TMEM132D: variants seen among roughly 807,000 people sequenced by gnomAD.
TMEM132D encodes mature OL transmembrane protein.
Under a neutral mutation model 62.3 loss-of-function variants are expected in TMEM132D, and 21 were observed. That is an observed-to-expected ratio of 0.34 (90% CI 0.24 to 0.49). The LOEUF (loss-of-function observed/expected upper bound fraction) is 0.49. Ranked by LOEUF, TMEM132D falls within the 20% of genes least tolerant of loss-of-function variation. The pLI is 0.99. For missense variants in TMEM132D, 1,346 were observed against 1,402.8 expected (o/e 0.96, Z 0.65); for synonymous variants, 621 against 575.6 (o/e 1.08, Z -1.13).
intron 3 of TMEM132D, among the ~76,000 whole-genome samples, chr12:129,478,370 C>T (rs750073830): frequency 2.6e-5 from 4 of 152,194 alleles, no homozygotes; most frequent in Non-Finnish European, 4.4e-5. Flanking sequence ...TAGGGCATCA[C>T]TGGGTGATAG....
chr12:129,229,658 T>C (rs1018471166), intron 4 of TMEM132D, among the ~76,000 whole-genome samples: 2 of 152,230 alleles, frequency 1.3e-5, no homozygotes, highest in East Asian at 1.9e-4. Flanking sequence ...GGAAAGGACA[T>C]AGAAAATTGA....
chr12:129,831,841 A>AT (rs1181499836), intron 1 of TMEM132D, among the ~76,000 whole-genome samples: 32 of 145,280 alleles, frequency 2.2e-4, no homozygotes, highest in South Asian at 1.3e-3. Context: ...ACGTTGAAGC[A>AT]TTTTTTTTTC....
chr12:129,491,764 A>C (rs1037231667), intron 3 of TMEM132D, among the ~76,000 whole-genome samples: 6 of 152,198 alleles, frequency 3.9e-5, no homozygotes, highest in African/African-American at 1.4e-4. Context: ...CAACATGGCA[A>C]AACCCTGTCT....
At chr12:129,677,657 A>G (rs1019667644) in intron 2 of TMEM132D, among the ~76,000 whole-genome samples, 2 of 152,162 alleles carry the variant, frequency 1.3e-5, no homozygotes, top group African/African-American at 4.8e-5. Flanking sequence ...CATTAACAGA[A>G]ATTCCATATC....
At chr12:129,306,526 C>G (rs2135631598) in intron 4 of TMEM132D, among the ~76,000 whole-genome samples, 1 of 152,250 alleles carries the variant, frequency 6.6e-6, no homozygotes, top group East Asian at 1.9e-4. Context: ...TGGCACAATA[C>G]AGATGTTGAT....
rs1195015654 is a variant in TMEM132D, at chr12:129,484,337, T to C, written c.1115+46722A>G. Among the ~76,000 whole-genome samples the C allele has an allele frequency of 3.9e-5, 6 of 152,274 alleles. No individual in the cohort carries two copies. The South Asian group carries it at 8.3e-4, about 21-fold the overall frequency. On this transcript the variant is annotated intron_variant, in intron 3 of 8. Transcript: ENST00000422113. ...GTTGCATCAACTGTCCCTTAACTCT[T>C]CACCTGGACCAAAAACTTGTCCAAG...
At chr12:129,828,782 A>AGGAG (rs1317969276) in intron 1 of TMEM132D, among the ~76,000 whole-genome samples, 7 of 43,532 alleles carry the variant, frequency 1.6e-4, no homozygotes, top group African/African-American at 5.2e-4. Flanking sequence ...GAGGAAGAAA[A>AGGAG]GGAGGGAGGG....
chr12:129,736,307 A>G (rs1436587198), intron 1 of TMEM132D, among the ~76,000 whole-genome samples: 2 of 152,224 alleles, frequency 1.3e-5, no homozygotes, highest in Non-Finnish European at 2.9e-5. Context: ...TTTCACATAA[A>G]CAGAAGTAAA....
intron 3 of TMEM132D, among the ~76,000 whole-genome samples, chr12:129,458,156 C>T (rs975907182): frequency 1.3e-5 from 2 of 152,100 alleles, no homozygotes; most frequent in African/African-American, 4.8e-5. Context: ...TACATGGTGC[C>T]CACATCTCTG....
intron 1 of TMEM132D, among the ~76,000 whole-genome samples, chr12:129,876,911 A>AGAT (rs1874430536): frequency 6.6e-6 from 1 of 152,212 alleles, no homozygotes; most frequent in South Asian, 2.1e-4. Context: ...CTGGAAGCAA[A>AGAT]GATGGGCTGA....
chr12:129,215,155 T>C (rs1879166295), intron 4 of TMEM132D, among the ~76,000 whole-genome samples: 1 of 152,238 alleles, frequency 6.6e-6, no homozygotes, highest in East Asian at 1.9e-4. Flanking sequence ...TCATGTCCTT[T>C]GCAGGGACAT....
At chr12:129,468,185 T>TG (rs1873974839) in intron 3 of TMEM132D, among the ~76,000 whole-genome samples, 4 of 151,134 alleles carry the variant, frequency 2.6e-5, no homozygotes, top group East Asian at 3.9e-4. Context: ...ACACAAAGCT[T>TG]TGTGTGTGTG....
At chr12:129,174,967 G>T (rs1215829387) in intron 5 of TMEM132D, among the ~76,000 whole-genome samples, 1 of 152,100 alleles carries the variant, frequency 6.6e-6, no homozygotes, top group Non-Finnish European at 1.5e-5. Context: ...GTAAATTCTG[G>T]ATACTAGACC....
At chr12:129,298,592 A>G (rs1306249280) in intron 4 of TMEM132D, among the ~76,000 whole-genome samples, 1 of 152,252 alleles carries the variant, frequency 6.6e-6, no homozygotes, top group Middle Eastern at 3.4e-3. Flanking sequence ...GTACCCATTA[A>G]CCAGCCTCTC....
rs536636223 is a variant in TMEM132D, at chr12:129,490,530, G to A, written c.1115+40529C>T. Among the ~76,000 whole-genome samples, 23 of 133,010 alleles carry A rather than the reference G, an allele frequency of 1.7e-4. 1 individual carries two copies. The highest frequency in any genetic ancestry group is 4.9e-4 in the African/African-American group (17 of 34,358). The allele number at this position is 133,010 out of a possible 152,430, so 87.3% of individuals were successfully genotyped here. ...TGCAAGCTCCGCCTCCCGGGTTCAC[G>A]CCATTCTCCTGCCTCAGCCTCCCGA... On this transcript the variant is annotated intron_variant, in intron 3 of 8. Coordinates refer to ENST00000422113, the MANE Select transcript of TMEM132D (RefSeq NM_133448.3).
chr12:129,675,989 C>T (rs1880619591), intron 2 of TMEM132D, among the ~76,000 whole-genome samples: 1 of 152,198 alleles, frequency 6.6e-6, no homozygotes, highest in Non-Finnish European at 1.5e-5. Flanking sequence ...TTTGTCATGG[C>T]CTTTGGCTTT....
At chr12:129,231,292 A>G (rs1004311823) in intron 4 of TMEM132D, among the ~76,000 whole-genome samples, 1 of 152,222 alleles carries the variant, frequency 6.6e-6, no homozygotes, top group African/African-American at 2.4e-5. Context: ...ATTAACTTCC[A>G]TTTGTAACAG....
At chr12:129,292,991 C>T (rs1881486095) in intron 4 of TMEM132D, among the ~76,000 whole-genome samples, 1 of 152,078 alleles carries the variant, frequency 6.6e-6, no homozygotes, top group Non-Finnish European at 1.5e-5. Context: ...GGATCTGTTT[C>T]CCAGAACGAG....
At chr12:129,752,934 C>T (rs1355060165) in intron 1 of TMEM132D, among the ~76,000 whole-genome samples, 1 of 152,112 alleles carries the variant, frequency 6.6e-6, no homozygotes, top group East Asian at 1.9e-4. Context: ...GTGGTCCCCC[C>T]AAAGCAACTT....
Sources: gnomAD v4.1 joint callset for allele counts (sites outside exome capture counted in the v4.1 genomes callset) on GRCh38, gnomAD v4.1.1 for gene constraint, MANE v1.5 for transcripts, NCBI Gene and HGNC (gene_info 2026-07-23, HGNC 2026-07-21) for gene names.